The following SYTL5 variants were observed in gnomAD, a reference collection of about 807,000 sequenced individuals.
The protein encoded by SYTL5 is synaptotagmin-like protein 5.
Under a neutral mutation model 55.9 loss-of-function variants are expected in SYTL5, and 34 were observed. That is an observed-to-expected ratio of 0.61 (90% CI 0.46 to 0.81). SYTL5 has a LOEUF of 0.81. Among genes scored for constraint, SYTL5 ranks in the 30% least tolerant of loss-of-function variants. The probability of loss-of-function intolerance (pLI) is 0.00; values close to 1 mark genes in which losing one functional copy is unlikely to be tolerated. For missense variants in SYTL5, 637 were observed against 546.7 expected, an observed-to-expected ratio of 1.17 and a Z score of -1.65; for synonymous variants, 221 against 188.7, an observed-to-expected ratio of 1.17 and a Z score of -1.40.
intron 12 of SYTL5, among the ~76,000 whole-genome samples, 175 bp downstream of exon 12, chrX:38,108,874 A>G (rs978499079): frequency 8.9e-6 from 1 of 112,503 alleles, no homozygotes; most frequent in Non-Finnish European, 1.9e-5. Context: ...TTTTGAGAAA[A>G]AGAAAACACT....
chrX:37,973,155 A>AT, the SYTL5 span, among the ~76,000 whole-genome samples: 2 of 110,697 alleles, frequency 1.8e-5, no homozygotes, highest in African/African-American at 6.6e-5. Context: ...GGGGTTAAAT[A>AT]TTTTTTTCAT....
chrX:37,952,241 A>C, the SYTL5 span, among the ~76,000 whole-genome samples: 1 of 111,593 alleles, frequency 9.0e-6, no homozygotes, highest in African/African-American at 3.2e-5. Flanking sequence ...ATTCTTCTTC[A>C]CGCTTCTGCT....
the SYTL5 span, among the ~76,000 whole-genome samples, chrX:37,963,260 G>C: frequency 9.5e-6 from 1 of 104,878 alleles, no homozygotes; most frequent in Non-Finnish European, 1.9e-5. Context: ...ACAAATCCTT[G>C]TATGTTGATT....
chrX:37,893,734 TATAG>T, the SYTL5 span, among the ~76,000 whole-genome samples: 17 of 84,431 alleles, frequency 2.0e-4, no homozygotes, highest in East Asian at 3.6e-4. Context: ...ATATATAATC[TATAG>T]ATAAACTATA....
chrX:37,946,505 T>G, the SYTL5 span: 1 of 229,845 alleles, frequency 4.4e-6, no homozygotes, highest in Middle Eastern at 9.9e-4. Flanking sequence ...GAATCATGCT[T>G]TTGTGTTACC....
intron 5 of SYTL5, among the ~76,000 whole-genome samples, 185 bp downstream of exon 5, chrX:38,073,883 A>G (rs960591726): frequency 3.6e-5 from 4 of 111,752 alleles, no homozygotes; most frequent in Non-Finnish European, 7.5e-5. Flanking sequence ...TCAATAAGTA[A>G]ATAAAAGTCC....
At chrX:37,913,530 G>A in the SYTL5 span, among the ~76,000 whole-genome samples, 2 of 112,000 alleles carry the variant, frequency 1.8e-5, no homozygotes, top group Non-Finnish European at 3.8e-5. Flanking sequence ...TAGCCTCACA[G>A]CAAATATCTC....
chrX:37,889,793 C>T, the SYTL5 span, among the ~76,000 whole-genome samples: 24,208 of 110,163 alleles, frequency 0.22, 5,295 homozygotes, highest in African/African-American at 0.68. Context: ...AAGGAAGTGC[C>T]ACTAATGCTT....
chrX:38,094,840 G>C (rs963561987), intron 8 of SYTL5, among the ~76,000 whole-genome samples: 11 of 111,541 alleles, frequency 9.9e-5, no homozygotes, highest in African/African-American at 3.3e-4. Context: ...ATCATTCTGT[G>C]GTTTAAATAA....
chrX:38,106,895 A>G (rs1937232454), intron 11 of SYTL5, 124 bp downstream of exon 11: 8 of 528,946 alleles, frequency 1.5e-5, no homozygotes, highest in Non-Finnish European at 2.3e-5. Flanking sequence ...GTTGATTGTC[A>G]TGTTCCTCCT....
the SYTL5 span, chrX:37,939,526 T>A: frequency 8.9e-6 from 1 of 111,985 alleles, no homozygotes; most frequent in Non-Finnish European, 1.9e-5. Context: ...ATAATTACAA[T>A]GGGAAATGGA....
chrX:37,991,121 G>A, the SYTL5 span: 2 of 1,211,553 alleles, frequency 1.7e-6, no homozygotes, highest in Non-Finnish European at 2.2e-6. Context: ...ACAACCGTGA[G>A]CCCCACAGCG....
chrX:37,965,140 G>A, the SYTL5 span, among the ~76,000 whole-genome samples: 7 of 109,844 alleles, frequency 6.4e-5, no homozygotes, highest in East Asian at 8.4e-4. Context: ...CTAGTTCCTC[G>A]AGGTGTAAAT....
the SYTL5 span, among the ~76,000 whole-genome samples, chrX:37,932,901 G>A: frequency 9.0e-6 from 1 of 110,741 alleles, no homozygotes; most frequent in African/African-American, 3.3e-5. Flanking sequence ...GAGCCTCTAC[G>A]TGTAGCTTGA....
chrX:38,122,269 T>C, intron 15 of SYTL5, 54 bp downstream of exon 15: 1 of 1,102,824 alleles, frequency 9.1e-7, no homozygotes. Flanking sequence ...TGAAAGGATC[T>C]GTGATCCACA....
chrX:38,008,441 A>G (rs1210110191), intron 1 of SYTL5, among the ~76,000 whole-genome samples: 2 of 111,265 alleles, frequency 1.8e-5, no homozygotes, highest in African/African-American at 3.3e-5. Context: ...TGCTTAGCCC[A>G]TGGACTTTTG....
At chrX:38,001,673 T>C (rs184457293), upstream of SYTL5, among the ~76,000 whole-genome samples, 232 of 111,692 alleles carry the variant, frequency 2.1e-3, no homozygotes, top group Non-Finnish European at 3.7e-3. Context: ...TGTGTATATG[T>C]ACCACATTTT....
intron 6 of SYTL5, among the ~76,000 whole-genome samples, chrX:38,085,661 G>A (rs1344297468): frequency 9.0e-6 from 1 of 111,615 alleles, no homozygotes; most frequent in Non-Finnish European, 1.9e-5. Flanking sequence ...CATTGTCCCA[G>A]TGAGTTTTAG....
At chrX:38,068,136 C>T (rs895929440) in intron 3 of SYTL5, among the ~76,000 whole-genome samples, 2 of 111,627 alleles carry the variant, frequency 1.8e-5, no homozygotes, top group African/African-American at 6.5e-5. Flanking sequence ...AGACCCATCT[C>T]AAAAGAAGAT....
Sources: gnomAD v4.1 joint callset for allele counts (sites outside exome capture counted in the v4.1 genomes callset) on GRCh38, gnomAD v4.1.1 for gene constraint, MANE v1.5 for transcripts, NCBI Gene and HGNC (gene_info 2026-07-23, HGNC 2026-07-21) for gene names.